Variants in HIPK3 observed in about 807,000 individuals in gnomAD.
The protein encoded by HIPK3 is homeodomain interacting protein kinase 3, also known as homeodomain-interacting protein kinase 3.
In HIPK3, 47 loss-of-function variants were observed where a neutral mutation model predicts 124.2. The ratio of observed to expected loss-of-function variants is 0.38; its 90% confidence interval spans 0.30 to 0.48. The LOEUF (loss-of-function observed/expected upper bound fraction) is 0.48, where lower values mean the gene tolerates loss of function less well. HIPK3 is among the 20% of genes least tolerant of loss of function. HIPK3 has a pLI of 0.98. For missense variants in HIPK3, 1,286 were observed against 1,454.3 expected (o/e 0.88, Z 1.88); for synonymous variants, 482 against 515.2 (o/e 0.94, Z 0.87).
At chr11:33,274,821 A>G (rs1053231415) in intron 1 of HIPK3, among the ~76,000 whole-genome samples, 1 of 152,140 alleles carries the variant, frequency 6.6e-6, no homozygotes, top group Non-Finnish European at 1.5e-5. Context: ...TCTGTTCCAA[A>G]TGTTGGAACA....
chr11:33,275,494 C>CT (rs577978880), intron 1 of HIPK3, among the ~76,000 whole-genome samples: 55 of 147,588 alleles, frequency 3.7e-4, no homozygotes, highest in African/African-American at 7.4e-4. Context: ...TGTCTCCTGC[C>CT]TTTTTTTTTT....
At chr11:33,329,999 A>C (rs934054576) in intron 3 of HIPK3, among the ~76,000 whole-genome samples, 2 of 152,194 alleles carry the variant, frequency 1.3e-5, no homozygotes, top group African/African-American at 4.8e-5. Context: ...TGGACAACTG[A>C]TATTAGTATT....
Position 33,349,204 on chromosome 11 carries a change from G to A in HIPK3, c.2724G>A (p.Met908Ile). Reference protein sequence around the residue: ...ACQSTLNIDRMCSLSSPDSTL... With the variant: ...ACQSTLNIDRICSLSSPDSTL... ...AGAGCACTTTGAATATTGATCGGAT[G>A]TGTTCATTAAGTAGTCCTGATAGTA... is the stretch of plus-strand genomic sequence containing the variant. Residue 908 changes from methionine (M) to isoleucine (I), a missense_variant, in exon 14 of 17, where the codon ATG becomes ATA. Met to Ile is a conservative substitution (Grantham distance 10, BLOSUM62 1). Coordinates refer to ENST00000303296, the MANE Select transcript of HIPK3 (RefSeq NM_005734.5). 2 of 1,613,748 alleles carry A rather than the reference G, an allele frequency of 1.2e-6. No homozygotes were observed. The highest frequency in any genetic ancestry group is 2.2e-5 in the East Asian group (1 of 44,886).
intron 1 of HIPK3, among the ~76,000 whole-genome samples, chr11:33,261,732 C>G (rs564015617): frequency 9.2e-5 from 14 of 152,260 alleles, no homozygotes; most frequent in Admixed American, 3.3e-4. Context: ...TGGATATATA[C>G]CCAGTAATGG....
intron 2 of HIPK3, among the ~76,000 whole-genome samples, chr11:33,293,000 G>T (rs948097645): frequency 3.3e-5 from 5 of 152,318 alleles, no homozygotes; most frequent in African/African-American, 1.2e-4. Context: ...GCTTCCCAAA[G>T]TGCTGGGATT....
chr11:33,276,174 A>G (rs1044790039), intron 1 of HIPK3, among the ~76,000 whole-genome samples: 1 of 152,088 alleles, frequency 6.6e-6, no homozygotes, highest in Non-Finnish European at 1.5e-5. Context: ...CTGTATCTAT[A>G]TTATGTTTTT....
chr11:33,309,285 C>T (rs528840349), intron 2 of HIPK3, among the ~76,000 whole-genome samples: 2 of 152,246 alleles, frequency 1.3e-5, no homozygotes, highest in Non-Finnish European at 2.9e-5. Flanking sequence ...TCCCTCCTTC[C>T]CTCCTTTTTG....
At position 33,338,836 on chromosome 11, in the gene HIPK3, T is replaced by C. The variant is rs1853242093; in HGVS notation, c.1421T>C (p.Val474Ala). Reference protein sequence around the residue: ...RKYIFNSLDDVAHVNTVMDLE... With the variant: ...RKYIFNSLDDAAHVNTVMDLE... ...TACATTTTCAACAGTCTGGATGATG[T>C]AGCGCATGTGAGTACCATAGCCACA... Residue 474 changes from valine (V) to alanine (A), a missense_variant, in exon 5 of 17, where the codon GTA becomes GCA. Physicochemically the swap from Val to Ala is moderately conservative, Grantham distance 64. Around this residue, in one of 3 missense-constraint regions of HIPK3, gnomAD observed 251 missense variants for 349.1 expected, o/e 0.72. Transcript: ENST00000303296. 1 of 1,609,604 alleles carries C rather than the reference T, an allele frequency of 6.2e-7. No individual in the cohort carries two copies. Among genetic ancestry groups the C allele is most frequent in the Non-Finnish European group, 8.5e-7 (1 of 1,176,352 alleles).
At chr11:33,305,454 G>A (rs1423413670) in intron 2 of HIPK3, among the ~76,000 whole-genome samples, 2 of 152,298 alleles carry the variant, frequency 1.3e-5, no homozygotes, top group Admixed American at 6.5e-5. Context: ...TTTACTGACT[G>A]CTTAGGTTCA....
chr11:33,351,780 G>T lies in HIPK3; in HGVS notation c.2980G>T (p.Val994Phe). ...AGAAACCAAGCCAGCTGTCTGTTCTGTTGTGGTGCCACCAGTGGAACTAGA... is the reference window on the plus strand; with the variant it reads ...AGAAACCAAGCCAGCTGTCTGTTCTTTTGTGGTGCCACCAGTGGAACTAGA... ...DTETKPAVCS[V>F]VVPPVELENG... Residue 994 changes from valine to phenylalanine, a missense_variant, in exon 15 of 17, where the codon GTT becomes TTT. By Grantham distance (50) the Val-to-Phe change is conservative. This residue lies in a region of HIPK3 where 810 missense variants were observed against 864.9 expected (regional missense o/e 0.94). Coordinates refer to ENST00000303296, the MANE Select transcript of HIPK3 (RefSeq NM_005734.5). 1.2e-6 allele frequency: 2 copies of T among 1,614,200 alleles called. No homozygotes were observed. The highest frequency in any genetic ancestry group is 1.7e-5 in the Admixed American group (1 of 60,024).
chr11:33,302,339 C>CTTTTTTTTTTTTTTTTTTTTTTTTTTTT (rs374964013), intron 2 of HIPK3, among the ~76,000 whole-genome samples: 5 of 121,140 alleles, frequency 4.1e-5, no homozygotes, highest in Non-Finnish European at 3.5e-5. Flanking sequence ...TAATTCCTTA[C>CTTTTTTTTTTTTTTTTTTTTTTTTTTTT]TTCTTTTTTT....
At chr11:33,347,205 C>A in intron 8 of HIPK3, 88 bp from the exon 9 acceptor site, 2 of 1,270,492 alleles carry the variant, frequency 1.6e-6, no homozygotes, top group Middle Eastern at 2.7e-4. Context: ...CTGTCAGAAT[C>A]TAAGCAATTC....
chr11:33,315,510 C>T (rs1852474581), intron 2 of HIPK3, among the ~76,000 whole-genome samples: 1 of 152,214 alleles, frequency 6.6e-6, no homozygotes, highest in African/African-American at 2.4e-5. Context: ...CAGGCGTGAG[C>T]CACTGCGCCT....
intron 1 of HIPK3, among the ~76,000 whole-genome samples, chr11:33,276,742 G>C (rs1851280581): frequency 6.6e-6 from 1 of 152,034 alleles, no homozygotes; most frequent in South Asian, 2.1e-4. Context: ...GTCTCACTCT[G>C]TTGCCCAGGC....
Position 33,287,003 on chromosome 11 carries a change from T to TA in HIPK3, c.590dup (p.Tyr197Ter). ...AGTCTTATGCTCCATGAAAAATACT[T>TA]ACGAAGTCCTTGATTTTCTTGGTCG... ...HEVLCSMKNT[Y>*]EVLDFLGRGT... The change falls in exon 2 of 17, where the codon TAC becomes TAAC. Residue 197 changes from tyrosine to a stop codon, truncating the protein, a stop_gained and frameshift_variant. Coordinates refer to ENST00000303296, the MANE Select transcript of HIPK3 (RefSeq NM_005734.5). LOFTEE classifies it high-confidence loss of function. 1 of 1,614,186 alleles carries TA rather than the reference T, an allele frequency of 6.2e-7. No individual in the cohort carries two copies. Among genetic ancestry groups the TA allele is most frequent in the Non-Finnish European group, 8.5e-7 (1 of 1,180,014 alleles).
At chr11:33,284,798 A>G (rs1851505093) in intron 1 of HIPK3, among the ~76,000 whole-genome samples, 1 of 152,212 alleles carries the variant, frequency 6.6e-6, no homozygotes, top group South Asian at 2.1e-4. Flanking sequence ...GCAAGTAGAA[A>G]ACATGGAGTA....
At chr11:33,273,354 G>T (rs116916728) in intron 1 of HIPK3, among the ~76,000 whole-genome samples, 4,533 of 151,688 alleles carry the variant, frequency 0.03, 90 homozygotes, top group South Asian at 0.062. Flanking sequence ...AATACAAAAA[G>T]AAATTAGCCA....
chr11:33,300,076 T>C (rs1851954205), intron 2 of HIPK3, among the ~76,000 whole-genome samples: 1 of 148,200 alleles, frequency 6.7e-6, no homozygotes. Flanking sequence ...GCACGGCGGC[T>C]CATGCCTATA....
chr11:33,271,211 A>G (rs558932612), intron 1 of HIPK3, among the ~76,000 whole-genome samples: 118 of 152,328 alleles, frequency 7.7e-4, no homozygotes, highest in African/African-American at 2.8e-3. Flanking sequence ...GGCGTATTTC[A>G]TCATGTATAG....
Sources: gnomAD v4.1 joint callset for allele counts (sites outside exome capture counted in the v4.1 genomes callset) on GRCh38, gnomAD v4.1.1 for gene constraint, gnomAD v4.1.1 regional missense constraint, MANE v1.5 for transcripts, NCBI Gene and HGNC (gene_info 2026-07-23, HGNC 2026-07-21) for gene names.